The following BCL6 variants were observed in gnomAD, a reference collection of about 807,000 sequenced individuals.
BCL6 encodes B-cell lymphoma 6 protein.
In BCL6, 7 loss-of-function variants were observed where a neutral mutation model predicts 59.5. That is an observed-to-expected ratio of 0.12 (90% confidence interval 0.07 to 0.22). The LOEUF is 0.22. Among genes scored for constraint, BCL6 ranks in the 10% least tolerant of loss-of-function variants. The pLI, the probability that BCL6 is intolerant of heterozygous loss-of-function variation, is 1.00. For missense variants in BCL6, 685 were observed against 939.4 expected (o/e 0.73, Z 3.54); for synonymous variants, 339 against 349.7 (o/e 0.97, Z 0.34).
At chr3:187,744,482 A>C (rs527547192) in intron 1 of BCL6, among the ~76,000 whole-genome samples, 2 of 152,312 alleles carry the variant, frequency 1.3e-5, no homozygotes, top group East Asian at 1.9e-4. Flanking sequence ...ACACAGGGGC[A>C]GGGAACACCA....
At chr3:187,738,646 CG>C (rs1488303601) in intron 1 of BCL6, among the ~76,000 whole-genome samples, 1 of 152,120 alleles carries the variant, frequency 6.6e-6, no homozygotes. Context: ...TAGCAGGCTC[CG>C]GGGTGCGCTT....
intron 1 of BCL6, among the ~76,000 whole-genome samples, chr3:187,744,327 C>G (rs576580928): frequency 1.3e-5 from 2 of 152,174 alleles, no homozygotes; most frequent in African/African-American, 2.4e-5. Context: ...CCTTTCCCAC[C>G]CACCCCAAGA....
chr3:187,727,802 T>C (rs1052586631), intron 6 of BCL6, among the ~76,000 whole-genome samples: 5 of 152,146 alleles, frequency 3.3e-5, no homozygotes, highest in Admixed American at 1.3e-4. Context: ...TGGGCGAAGA[T>C]TTAGACTTTT....
chr3:187,744,519 C>G (rs1711787585), intron 1 of BCL6, among the ~76,000 whole-genome samples: 1 of 152,154 alleles, frequency 6.6e-6, no homozygotes, highest in African/African-American at 2.4e-5. Context: ...TTAGGAAGAT[C>G]ACGGCTCTGA....
intron 1 of BCL6, among the ~76,000 whole-genome samples, chr3:187,744,667 A>G (rs558160431): frequency 1.3e-5 from 2 of 152,278 alleles, no homozygotes; most frequent in East Asian, 1.9e-4. Flanking sequence ...TAAAAGACCG[A>G]GGCCGATGGA....
intron 7 of BCL6, among the ~76,000 whole-genome samples, chr3:187,726,439 C>G (rs941503480): frequency 5.3e-5 from 8 of 152,184 alleles, no homozygotes; most frequent in African/African-American, 1.9e-4. Context: ...ATTTGTCTTT[C>G]CCAGACTTAG....
intron 1 of BCL6, among the ~76,000 whole-genome samples, chr3:187,743,353 G>A (rs1178673660): frequency 2.0e-5 from 3 of 151,986 alleles, no homozygotes; most frequent in Non-Finnish European, 2.9e-5. Context: ...GGCGGGGAGG[G>A]GGCGCGGAGT....
Position 187,733,526 on chromosome 3 carries a change from C to G in BCL6, c.161+7G>C. 3 of 1,612,048 alleles carry G rather than the reference C, an allele frequency of 1.9e-6. No homozygotes were observed. The highest frequency in any genetic ancestry group is 2.5e-6 in the Non-Finnish European group (3 of 1,178,424). ...ACTTACCCACCCTTTCCTTTCAGAT[C>G]CCTCACCTGCAGGCCATGAGGACCG... is the stretch of plus-strand genomic sequence containing the variant. On this transcript the variant is annotated splice_region_variant and intron_variant, in intron 3 of 9. Transcript: ENST00000406870.
rs537445883 is a variant in BCL6 at position 187,743,288 on chromosome 3, G to GA, written c.-50+2121dup. On this transcript the variant is annotated intron_variant, in intron 1 of 9. Coordinates refer to ENST00000406870, the MANE Select transcript of BCL6 (RefSeq NM_001706.5). Reference sequence around the variant, plus strand: ...ACTTTCCTCCTGGAAACTATAAACTGAAAAAAAAATCCATAAAAGATTAAA... The same window carrying GA: ...ACTTTCCTCCTGGAAACTATAAACTGAAAAAAAAAATCCATAAAAGATTAAA... 1.0e-3 allele frequency among the ~76,000 whole-genome samples: 137 copies of GA among 131,332 alleles called. 2 individuals are homozygous for GA. Among genetic ancestry groups the GA allele is most frequent in the South Asian group, 7.0e-3 (27 of 3,882 alleles). The allele number at this position is 131,332 out of a possible 152,430, so 86.2% of individuals were successfully genotyped here.
At chr3:187,742,451 C>T (rs1483290972) in intron 1 of BCL6, among the ~76,000 whole-genome samples, 1 of 152,184 alleles carries the variant, frequency 6.6e-6, no homozygotes, top group Non-Finnish European at 1.5e-5. Flanking sequence ...TAAAACCCTT[C>T]AAAACTGAAA....
At position 187,729,412 on chromosome 3, in the gene BCL6, T is replaced by C. The variant is rs1478237793; in HGVS notation, c.993A>G (p.Pro331=). 6.2e-7 allele frequency: 1 copy of C among 1,612,496 alleles called. No individual in the cohort carries two copies. Among genetic ancestry groups the C allele is most frequent in the East Asian group, 2.2e-5 (1 of 44,856 alleles). ...GGCAGTCAGATTTCTGGGGGCTCTGTGGACTAACCAGACCCTTCCGGTTCA... is the reference window on the plus strand; with the variant it reads ...GGCAGTCAGATTTCTGGGGGCTCTGCGGACTAACCAGACCCTTCCGGTTCA... ...APLNRKGLVS[P]QSPQKSDCQP... Residue 331 remains proline, a synonymous_variant, in exon 5 of 10, where the codon CCA becomes CCG. Coordinates refer to ENST00000406870, the MANE Select transcript of BCL6 (RefSeq NM_001706.5). The surrounding 1 kb of genome is among the most constrained non-coding windows in gnomAD (Gnocchi z 5.6).
intron 1 of BCL6, chr3:187,737,947 G>T (rs1402262456): frequency 6.6e-6 from 1 of 151,900 alleles, no homozygotes. Flanking sequence ...CGCCAGGATC[G>T]CTGCCTGCGC....
chr3:187,729,185 G>T lies in BCL6; in HGVS notation c.1220C>A (p.Ala407Asp), dbSNP rs891639094. ...CTGGCAGGCAGGTGGGGCCGTGTAG[G>T]CTCGTGGGGAAAGGCGGCCCAGCTC... ...QAELGRLSPR[A>D]YTAPPACQPP... is the part of the protein sequence containing the mutation. Residue 407 changes from alanine (A) to aspartate (D), a missense_variant, in exon 5 of 10, where the codon GCC becomes GAC. By Grantham distance (126) the Ala-to-Asp change is moderately radical. Coordinates refer to ENST00000406870, the MANE Select transcript of BCL6 (RefSeq NM_001706.5). This position sits in a 1 kb window ranked among gnomAD's most constrained non-coding sequence, Gnocchi z 5.6. 2.5e-5 allele frequency: 39 copies of T among 1,578,248 alleles called. No individual in the cohort carries two copies. Among genetic ancestry groups the T allele is most frequent in the Admixed American group, 1.4e-4 (8 of 57,602 alleles).
Position 187,729,692 on chromosome 3 carries a change from A to G in BCL6, c.713T>C (p.Val238Ala). 1 of 1,614,074 alleles carries G rather than the reference A, an allele frequency of 6.2e-7. No homozygotes were observed. Among genetic ancestry groups the G allele is most frequent in the East Asian group, 2.2e-5 (1 of 44,876 alleles). ...AGTCGGCCGGCTGTACTCACCAGGG[A>G]CTGGCCTGGCACTATCACATGGGAG... Reference protein sequence around the residue: ...RALPCDSARPVPGEYSRPTLE... With the variant: ...RALPCDSARPAPGEYSRPTLE... The change falls in exon 5 of 10, where the codon GTC becomes GCC. Residue 238 changes from valine (V) to alanine (A), a missense_variant. Val to Ala is a moderately conservative substitution (Grantham distance 64). Coordinates refer to ENST00000406870, the MANE Select transcript of BCL6 (RefSeq NM_001706.5). This position sits in a 1 kb window ranked among gnomAD's most constrained non-coding sequence, Gnocchi z 5.6.
Position 187,725,654 on chromosome 3 carries a change from G to A in BCL6, c.1709-25C>T, listed in dbSNP as rs778615302. 2 of 1,613,736 alleles carry A rather than the reference G, an allele frequency of 1.2e-6. No individual in the cohort carries two copies. The highest frequency in any genetic ancestry group is 1.3e-5 in the African/African-American group (1 of 74,866). On this transcript the variant is annotated intron_variant, in intron 7 of 9. Transcript: ENST00000406870. This position sits in a 1 kb window ranked among gnomAD's most constrained non-coding sequence, Gnocchi z 4.7. ...CCTATTACCAAGAAAAAGGGAAAAA[G>A]AAAAGCCATATTCAATAAGGAAGGT...
rs953400166 is a variant in BCL6, at chr3:187,735,660, A to G, written c.-49-753T>C. ...TGCTGGTAAAAGACTTAACTATGTGATTTAGCTGAGAACTGGCCAGGGAGC... is the reference window on the plus strand; with the variant it reads ...TGCTGGTAAAAGACTTAACTATGTGGTTTAGCTGAGAACTGGCCAGGGAGC... On this transcript the variant is annotated intron_variant, in intron 1 of 9. Coordinates refer to ENST00000406870, the MANE Select transcript of BCL6 (RefSeq NM_001706.5). Among the ~76,000 whole-genome samples the G allele has an allele frequency of 4.6e-5, 7 of 152,320 alleles. 1 individual carries two copies. Among genetic ancestry groups the G allele is most frequent in the African/African-American group, 1.7e-4 (7 of 41,564 alleles).
Position 187,728,245 on chromosome 3 carries a change from C to T in BCL6, c.1540+115G>A, listed in dbSNP as rs1718821041. 5.3e-6 allele frequency: 6 copies of T among 1,127,650 alleles called. No homozygotes were observed. The Admixed American group carries it at 1.9e-4, about 35-fold the overall frequency. 69.9% of individuals were successfully genotyped at this position (1,127,650 alleles called of 1,614,324 possible). On this transcript the variant is annotated intron_variant, in intron 6 of 9. Coordinates refer to ENST00000406870, the MANE Select transcript of BCL6 (RefSeq NM_001706.5). ...GTGACTTGGAGTGCCAGTGGACTTC[C>T]AATTGAGGACTGCTCCAATCAGAGA...
chr3:187,733,910 G>A (rs1369672546), intron 2 of BCL6: 2 of 596,534 alleles, frequency 3.4e-6, no homozygotes, highest in Non-Finnish European at 5.9e-6. Context: ...CAACAAGTTG[G>A]GATAGAAAGC....
At chr3:187,744,902 GA>G in intron 1 of BCL6, among the ~76,000 whole-genome samples, 1 of 152,150 alleles carries the variant, frequency 6.6e-6, no homozygotes, top group Admixed American at 6.5e-5. Context: ...AGCAGCAGCA[GA>G]AAGAGCGAGA....
Sources: gnomAD v4.1 joint callset for allele counts (sites outside exome capture counted in the v4.1 genomes callset) on GRCh38, gnomAD v4.1.1 for gene constraint, Gnocchi (gnomAD v3.1) non-coding constraint, MANE v1.5 for transcripts, NCBI Gene and HGNC (gene_info 2026-07-23, HGNC 2026-07-21) for gene names.